The following HCN1 variants were observed in gnomAD, a reference collection of about 807,000 sequenced individuals.
The protein encoded by HCN1 is potassium/sodium hyperpolarization-activated cyclic nucleotide-gated channel 1.
HCN1 carries 13 observed loss-of-function variants against 78.9 expected under a neutral mutation model. That is an observed-to-expected ratio of 0.16 (90% CI 0.11 to 0.26). HCN1 has a LOEUF of 0.26. Among genes scored for constraint, HCN1 ranks in the 10% least tolerant of loss-of-function variants. HCN1 has a pLI of 1.00. For missense variants in HCN1, 810 were observed against 1,154.3 expected (o/e 0.70, Z 4.32); for synonymous variants, 552 against 455.5 (o/e 1.21, Z -2.70).
intron 5 of HCN1, among the ~76,000 whole-genome samples, chr5:45,314,387 G>C (rs553419440): frequency 6.6e-6 from 1 of 152,136 alleles, no homozygotes; most frequent in East Asian, 1.9e-4. Context: ...AGGAACGACC[G>C]GTACCAGCCA....
At chr5:45,296,460 T>G (rs1310252690) in intron 6 of HCN1, among the ~76,000 whole-genome samples, 2 of 151,600 alleles carry the variant, frequency 1.3e-5, no homozygotes, top group South Asian at 2.1e-4. Context: ...AGGCAGAAAA[T>G]GAAGTTCTTA....
At chr5:45,633,964 C>T (rs1244019555) in intron 2 of HCN1, among the ~76,000 whole-genome samples, 1 of 151,880 alleles carries the variant, frequency 6.6e-6, no homozygotes, top group Non-Finnish European at 1.5e-5. Context: ...AATGATTCAA[C>T]TAAATGAGAA....
intron 2 of HCN1, among the ~76,000 whole-genome samples, chr5:45,534,115 G>A (rs2111809609): frequency 6.6e-6 from 1 of 152,110 alleles, no homozygotes; most frequent in East Asian, 1.9e-4. Flanking sequence ...AAGATGTTGA[G>A]CCGGGTATGG....
chr5:45,265,692 C>A (rs966755313), intron 7 of HCN1, among the ~76,000 whole-genome samples: 1 of 152,176 alleles, frequency 6.6e-6, no homozygotes. Flanking sequence ...AGTTGAGGTA[C>A]CTCCTTGTTT....
At chr5:45,631,947 G>A (rs1158618402) in intron 2 of HCN1, among the ~76,000 whole-genome samples, 3 of 152,074 alleles carry the variant, frequency 2.0e-5, no homozygotes, top group Non-Finnish European at 4.4e-5. Context: ...TTTATACTGG[G>A]TAGAAAGGAA....
intron 2 of HCN1, among the ~76,000 whole-genome samples, chr5:45,611,219 T>C: frequency 6.6e-6 from 1 of 151,112 alleles, no homozygotes; most frequent in South Asian, 2.1e-4. Context: ...CCTGCCTAAC[T>C]TTTTGTATTT....
chr5:45,407,674 C>T (rs1739951771), intron 3 of HCN1, among the ~76,000 whole-genome samples: 1 of 152,066 alleles, frequency 6.6e-6, no homozygotes, highest in Non-Finnish European at 1.5e-5. Context: ...CACCCACCAG[C>T]ATGCCTGGCT....
chr5:45,492,392 AAT>A (rs35781186), intron 2 of HCN1, among the ~76,000 whole-genome samples: 53,270 of 121,102 alleles, frequency 0.44, 11,583 homozygotes, highest in Middle Eastern at 0.49. Flanking sequence ...TCTTTAAATG[AAT>A]ATATATATAT....
Position 45,352,169 on chromosome 5 carries a change from A to G in HCN1, c.1377+931T>C, listed in dbSNP as rs1428806119. On this transcript the variant is annotated intron_variant, in intron 5 of 7. Transcript: ENST00000303230. Reference sequence around the variant, plus strand: ...AGACTGGATTAAGAAAATGTGGCACATATACACCATGGAATACTATGCAGC... The same window carrying G: ...AGACTGGATTAAGAAAATGTGGCACGTATACACCATGGAATACTATGCAGC... Among the ~76,000 whole-genome samples, 13 of 152,304 alleles carry G rather than the reference A, an allele frequency of 8.5e-5. No homozygotes were observed. The South Asian group carries it at 2.7e-3, about 32-fold the overall frequency.
At chr5:45,406,026 A>T (rs1029403102) in intron 3 of HCN1, among the ~76,000 whole-genome samples, 1 of 152,046 alleles carries the variant, frequency 6.6e-6, no homozygotes, top group African/African-American at 2.4e-5. Flanking sequence ...ATTTTTTCTT[A>T]TTTTTTTGAT....
At chr5:45,285,386 T>C (rs1305153574) in intron 6 of HCN1, among the ~76,000 whole-genome samples, 2 of 152,038 alleles carry the variant, frequency 1.3e-5, no homozygotes, top group Admixed American at 1.3e-4. Flanking sequence ...CGGCCTTTTC[T>C]CATTTTCACT....
chr5:45,504,184 T>G (rs555282882), intron 2 of HCN1, among the ~76,000 whole-genome samples: 89 of 152,230 alleles, frequency 5.8e-4, no homozygotes, highest in African/African-American at 1.8e-3. Context: ...ATGTGCCATG[T>G]TGGTGTGCTG....
intron 6 of HCN1, among the ~76,000 whole-genome samples, chr5:45,292,135 C>G (rs2111886495): frequency 6.6e-6 from 1 of 151,880 alleles, no homozygotes; most frequent in Non-Finnish European, 1.5e-5. Flanking sequence ...TAAATGAACA[C>G]TCTTAGGGAT....
chr5:45,321,149 T>C (rs1439816756), intron 5 of HCN1, among the ~76,000 whole-genome samples: 1 of 151,786 alleles, frequency 6.6e-6, no homozygotes, highest in Non-Finnish European at 1.5e-5. Context: ...TCCTCAACGG[T>C]ATCTCTGGAT....
intron 2 of HCN1, among the ~76,000 whole-genome samples, chr5:45,462,800 T>A (rs1476778628): frequency 6.6e-6 from 1 of 152,026 alleles, no homozygotes; most frequent in Non-Finnish European, 1.5e-5. Context: ...TACCCATCTT[T>A]ACATCTGTAA....
intron 2 of HCN1, among the ~76,000 whole-genome samples, chr5:45,591,897 C>A (rs190615100): frequency 6.6e-6 from 1 of 151,960 alleles, no homozygotes; most frequent in African/African-American, 2.4e-5. Flanking sequence ...CCTATGTTTT[C>A]TTCTAGGAGT....
In HCN1 at chr5:45,275,118, C is replaced by T. The variant is rs180803564; in HGVS notation, c.1619-7865G>A. 4.6e-3 allele frequency among the ~76,000 whole-genome samples: 696 copies of T among 151,982 alleles called. 3 individuals carry two copies. The Middle Eastern group carries it at 0.058, about 13-fold the overall frequency. On this transcript the variant is annotated intron_variant, in intron 6 of 7. Transcript: ENST00000303230. ...AAAAATTAGTGGGTATGTTGGCAGG[C>T]GCCTGAAACTCCAGCTACTTGGGAG...
At chr5:45,588,299 T>C (rs1561211794) in intron 2 of HCN1, among the ~76,000 whole-genome samples, 1 of 152,162 alleles carries the variant, frequency 6.6e-6, no homozygotes, top group Non-Finnish European at 1.5e-5. Flanking sequence ...TCCCCATAGG[T>C]AGAATCACAG....
chr5:45,562,940 A>G (rs17278764), intron 2 of HCN1, among the ~76,000 whole-genome samples: 11,796 of 152,274 alleles, frequency 0.077, 599 homozygotes, highest in Middle Eastern at 0.15. Flanking sequence ...TTAAAACTAG[A>G]ACTTGAAGAA....
Sources: gnomAD v4.1 joint callset for allele counts (sites outside exome capture counted in the v4.1 genomes callset) on GRCh38, gnomAD v4.1.1 for gene constraint, MANE v1.5 for transcripts, NCBI Gene and HGNC (gene_info 2026-07-23, HGNC 2026-07-21) for gene names.